The following KCNMA1 variants were observed in gnomAD, a reference collection of about 807,000 sequenced individuals.
KCNMA1 encodes the protein Calcium-activated potassium channel subunit alpha-1.
Under a neutral mutation model 140.0 loss-of-function variants are expected in KCNMA1, and 29 were observed. The ratio of observed to expected loss-of-function variants is 0.21; its 90% CI spans 0.15 to 0.28. The LOEUF (loss-of-function observed/expected upper bound fraction) is 0.28, where lower values mean the gene tolerates loss of function less well. Ranked by LOEUF, KCNMA1 falls within the 10% of genes least tolerant of loss-of-function variation. The probability of loss-of-function intolerance (pLI) is 1.00; values close to 1 mark genes in which losing one functional copy is unlikely to be tolerated. For missense variants in KCNMA1, 880 were observed against 1,602.2 expected (o/e 0.55, Z 7.70); for synonymous variants, 612 against 611.9 (o/e 1.00, Z 0.00).
intron 1 of KCNMA1, among the ~76,000 whole-genome samples, chr10:77,576,505 G>C (rs2074147729): frequency 6.6e-6 from 1 of 150,412 alleles, no homozygotes. Flanking sequence ...CACTTGATGG[G>C]GCAGTACTAC....
Position 76,949,236 on chromosome 10 carries a change from T to C in KCNMA1, c.2615A>G (p.His872Arg), listed in dbSNP as rs748630929. 8 of 1,614,014 alleles carry C rather than the reference T, an allele frequency of 5.0e-6. No individual in the cohort carries two copies. The highest frequency in any genetic ancestry group is 6.8e-6 in the Non-Finnish European group (8 of 1,180,016). Residue 872 changes from histidine (H) to arginine (R), a missense_variant, in exon 22 of 28, where the codon CAT becomes CGT. His to Arg is a conservative substitution (Grantham distance 29). Transcript: ENST00000286628. ...MPLRASNFHYHELKHIVFVGS... is the reference protein window; with the variant it reads ...MPLRASNFHYRELKHIVFVGS... ...CACAAACACAATGTGCTTGAGCTCA[T>C]GGTAATGAAAGTTGCTGGCACGGAG...
intron 3 of KCNMA1, among the ~76,000 whole-genome samples, chr10:77,191,829 T>C (rs78035790): frequency 0.02 from 3,068 of 152,286 alleles, 104 homozygotes; most frequent in African/African-American, 0.071. Context: ...CCATGCCAGC[T>C]GGTTGTTTAA....
intron 1 of KCNMA1, among the ~76,000 whole-genome samples, chr10:77,621,691 G>A (rs1246617017): frequency 6.6e-6 from 1 of 152,128 alleles, no homozygotes; most frequent in African/African-American, 2.4e-5. Flanking sequence ...CACTTTGGGG[G>A]CCGAGGCAGG....
chr10:77,091,350 GAA>G, intron 9 of KCNMA1: 1 of 152,314 alleles, frequency 6.6e-6, no homozygotes, highest in East Asian at 1.9e-4. Flanking sequence ...GGCTCACCCG[GAA>G]GAGATGAGCC....
At chr10:77,076,001 C>T (rs1011334994) in intron 13 of KCNMA1, among the ~76,000 whole-genome samples, 5 of 152,294 alleles carry the variant, frequency 3.3e-5, no homozygotes, top group Admixed American at 1.3e-4. Context: ...CCCCTCCCTC[C>T]TCTCATGGAG....
intron 1 of KCNMA1, among the ~76,000 whole-genome samples, chr10:77,453,291 T>A (rs1341190651): frequency 6.6e-6 from 1 of 151,888 alleles, no homozygotes; most frequent in Non-Finnish European, 1.5e-5. Context: ...ACAGCATCCA[T>A]CTTCTGACAC....
chr10:76,974,474 A>C (rs1306969224), intron 19 of KCNMA1: 2 of 1,499,496 alleles, frequency 1.3e-6, no homozygotes, highest in South Asian at 2.4e-5. Flanking sequence ...AATGGGTCCC[A>C]GTCTTCCTTC....
intron 1 of KCNMA1, among the ~76,000 whole-genome samples, chr10:77,427,719 TCATTTA>T (rs1566785418): frequency 0.025 from 2,634 of 107,252 alleles, 76 homozygotes; most frequent in African/African-American, 0.094. Context: ...ATCCATCCAT[TCATTTA>T]TTTATTTATT....
In KCNMA1 at chr10:77,636,374, G is replaced by A. The variant is rs947484029; in HGVS notation, c.378+891C>T. The A allele has an allele frequency of 4.6e-6, 7 of 1,534,538 alleles. No homozygotes were observed. In the African/African-American group the frequency reaches 8.2e-5, roughly 18 times the overall value. ...CCAGCCTCAGTGCCGGTGGGCGTCTGCACCAGGAATAGCTAAAGCCGACGA... is the reference window on the plus strand; with the variant it reads ...CCAGCCTCAGTGCCGGTGGGCGTCTACACCAGGAATAGCTAAAGCCGACGA... On this transcript the variant is annotated intron_variant, in intron 1 of 27. Coordinates refer to ENST00000286628, the MANE Select transcript of KCNMA1 (RefSeq NM_001161352.2).
chr10:77,261,642 T>C (rs565261778), intron 2 of KCNMA1, among the ~76,000 whole-genome samples: 1 of 152,344 alleles, frequency 6.6e-6, no homozygotes, highest in Non-Finnish European at 1.5e-5. Flanking sequence ...CTAAAACCTG[T>C]GTCCTTCCTG....
chr10:76,907,317 A>G (rs1397242230), intron 25 of KCNMA1, among the ~76,000 whole-genome samples: 3 of 152,242 alleles, frequency 2.0e-5, no homozygotes, highest in Non-Finnish European at 4.4e-5. Context: ...TGAATTTCCA[A>G]GAACTGACTA....
chr10:77,263,858 C>T (rs953174250), intron 2 of KCNMA1, among the ~76,000 whole-genome samples: 1 of 152,140 alleles, frequency 6.6e-6, no homozygotes, highest in Non-Finnish European at 1.5e-5. Context: ...AAGAATGATA[C>T]TAGCATGCCT....
At chr10:77,474,247 A>T (rs563776142) in intron 1 of KCNMA1, among the ~76,000 whole-genome samples, 1 of 152,176 alleles carries the variant, frequency 6.6e-6, no homozygotes, top group Non-Finnish European at 1.5e-5. Flanking sequence ...GCAAATCCAC[A>T]TGTTCATATC....
chr10:76,962,471 C>T (rs1198279587), intron 20 of KCNMA1, among the ~76,000 whole-genome samples: 2 of 152,114 alleles, frequency 1.3e-5, no homozygotes, highest in African/African-American at 2.4e-5. Context: ...ATTTCTCATC[C>T]CTCCACAGAC....
At chr10:77,407,831 G>C (rs1326827349) in intron 1 of KCNMA1, among the ~76,000 whole-genome samples, 2 of 152,208 alleles carry the variant, frequency 1.3e-5, no homozygotes, top group African/African-American at 2.4e-5. Context: ...GGGCCTCTAA[G>C]AGTAATCCAC....
intron 18 of KCNMA1, 130 bp downstream of exon 18, chr10:77,011,837 T>C: frequency 1.2e-6 from 1 of 823,082 alleles, no homozygotes; most frequent in Non-Finnish European, 2.1e-6. Flanking sequence ...TTTAAACTGC[T>C]GGGTGAAACA....
At chr10:77,375,833 C>T (rs1182967993) in intron 2 of KCNMA1, among the ~76,000 whole-genome samples, 2 of 152,220 alleles carry the variant, frequency 1.3e-5, no homozygotes, top group Admixed American at 6.5e-5. Flanking sequence ...CATCCCAGCA[C>T]TCATTCCAGC....
At chr10:77,177,236 C>CTTTT (rs559549910) in intron 5 of KCNMA1, among the ~76,000 whole-genome samples, 1 of 152,070 alleles carries the variant, frequency 6.6e-6, no homozygotes, top group African/African-American at 2.4e-5. Flanking sequence ...CAAGGCCTCT[C>CTTTT]TCTTTCTTCC....
At chr10:77,324,807 G>C (rs1441435047) in intron 2 of KCNMA1, among the ~76,000 whole-genome samples, 2 of 152,140 alleles carry the variant, frequency 1.3e-5, no homozygotes, top group Non-Finnish European at 2.9e-5. Context: ...CCAGGCTATG[G>C]TGGAGGCAAC....
Sources: allele counts gnomAD v4.1 joint callset (sites outside exome capture counted in the v4.1 genomes callset), GRCh38; gene constraint gnomAD v4.1.1; transcripts MANE v1.5; gene names NCBI Gene and HGNC (gene_info 2026-07-23, HGNC 2026-07-21).